Variants in USH2A observed in about 807,000 individuals in gnomAD.
USH2A encodes the protein usherin.
USH2A carries 443 observed loss-of-function variants against 538.9 expected under a neutral mutation model. The ratio of observed to expected loss-of-function variants is 0.82; its 90% CI spans 0.76 to 0.89. The LOEUF is 0.89. USH2A is among the 40% of genes least tolerant of loss of function. USH2A has a pLI of 0.00. For synonymous variants in USH2A, 2,413 were observed against 2,273.5 expected, an observed-to-expected ratio of 1.06 and a Z score of -1.75; for missense variants, 6,633 against 6,324.8, an observed-to-expected ratio of 1.05 and a Z score of -1.65.
chr1:216,074,866 T>C (rs1170956650), intron 27 of USH2A, among the ~76,000 whole-genome samples: 3 of 152,184 alleles, frequency 2.0e-5, no homozygotes, highest in East Asian at 3.8e-4. Context: ...AAATGCTACA[T>C]TATTTTTTGA....
chr1:215,948,666 T>C lies in USH2A; in HGVS notation c.7121-13871A>G, dbSNP rs79512277. ...ATTTAGAAACACCCACCCTCTTGAT[T>C]TTTATTATACATATAAACTCTGTCA... On this transcript the variant is annotated intron_variant, in intron 37 of 71. Coordinates refer to ENST00000307340, the MANE Select transcript of USH2A (RefSeq NM_206933.4). Among the ~76,000 whole-genome samples the C allele has an allele frequency of 2.6e-5, 4 of 152,124 alleles. No homozygotes were observed. In the East Asian group the frequency reaches 5.8e-4, roughly 22 times the overall value.
At chr1:216,313,578 T>C (rs80265331) in intron 9 of USH2A, among the ~76,000 whole-genome samples, 8,062 of 152,302 alleles carry the variant, frequency 0.053, 292 homozygotes, top group Middle Eastern at 0.11. Flanking sequence ...TAAATTTTCC[T>C]CTATATTTAT....
At chr1:215,973,822 A>G (rs1400206125) in intron 35 of USH2A, among the ~76,000 whole-genome samples, 1 of 152,074 alleles carries the variant, frequency 6.6e-6, no homozygotes, top group Admixed American at 6.6e-5. Context: ...ATAAGCTGAG[A>G]ATGAAATTAA....
Position 216,200,046 on chromosome 1 carries a change from T to C in USH2A, c.3392A>G (p.His1131Arg). Residue 1131 changes from histidine (H) to arginine (R), a missense_variant, in exon 17 of 72, where the codon CAT (histidine) becomes CGT (arginine). Coordinates refer to ENST00000307340, the MANE Select transcript of USH2A (RefSeq NM_206933.4). ...GACAGCTACACTCCTTGTTGAACCA[T>C]GCACATTGGTGGTCTCAATGTAATA... ...YSYYIETTNV[H>R]GSTRSVAVTY... 1 of 1,613,810 alleles carries C rather than the reference T, an allele frequency of 6.2e-7. No individual in the cohort carries two copies. The highest frequency in any genetic ancestry group is 8.5e-7 in the Non-Finnish European group (1 of 1,179,940).
intron 15 of USH2A, among the ~76,000 whole-genome samples, chr1:216,213,511 T>G (rs2035285485): frequency 6.6e-6 from 1 of 152,056 alleles, no homozygotes; most frequent in African/African-American, 2.4e-5. Context: ...AATGGAACAT[T>G]TGGATACCTA....
intron 55 of USH2A, among the ~76,000 whole-genome samples, chr1:215,774,896 C>CTT (rs965961240): frequency 6.9e-6 from 1 of 145,114 alleles, no homozygotes; most frequent in Non-Finnish European, 1.5e-5. Context: ...TGATGCCACA[C>CTT]TTTTTTTTTT....
chr1:215,959,633 A>G (rs752083619), intron 37 of USH2A, among the ~76,000 whole-genome samples: 1 of 152,110 alleles, frequency 6.6e-6, no homozygotes, highest in Non-Finnish European at 1.5e-5. Flanking sequence ...CTAATGCTTA[A>G]GGATCATTTT....
At chr1:216,220,653 C>A (rs61826940) in intron 14 of USH2A, among the ~76,000 whole-genome samples, 2 of 151,566 alleles carry the variant, frequency 1.3e-5, no homozygotes, top group African/African-American at 4.8e-5. Context: ...CTCAGTACTC[C>A]TGGATGTAAA....
intron 58 of USH2A, among the ~76,000 whole-genome samples, chr1:215,755,791 G>T (rs1394304819): frequency 6.6e-6 from 1 of 152,184 alleles, no homozygotes; most frequent in Non-Finnish European, 1.5e-5. Context: ...TGAGGTATGT[G>T]AGAGTTAAGG....
intron 38 of USH2A, among the ~76,000 whole-genome samples, chr1:215,917,829 G>A (rs1166513524): frequency 6.6e-6 from 1 of 150,504 alleles, no homozygotes; most frequent in East Asian, 2.0e-4. Context: ...TGGATGTGGT[G>A]GTGCATGCCT....
chr1:215,935,317 T>C (rs527314130), intron 37 of USH2A, among the ~76,000 whole-genome samples: 10 of 152,128 alleles, frequency 6.6e-5, no homozygotes, highest in Non-Finnish European at 1.3e-4. Flanking sequence ...CTGTTCACTT[T>C]GCTTGAAATG....
intron 4 of USH2A, among the ~76,000 whole-genome samples, chr1:216,349,560 G>T (rs946293180): frequency 2.0e-5 from 3 of 152,116 alleles, no homozygotes; most frequent in Non-Finnish European, 4.4e-5. Flanking sequence ...CAATAAGAGT[G>T]ACCTCTGGTT....
At chr1:215,708,788 G>C (rs1002992994) in intron 61 of USH2A, among the ~76,000 whole-genome samples, 1 of 152,124 alleles carries the variant, frequency 6.6e-6, no homozygotes, top group Non-Finnish European at 1.5e-5. Flanking sequence ...CTGCTGTGTG[G>C]CTTGGTTCCC....
rs560490497 is a variant in USH2A, at chr1:216,155,295, A to C, written c.4627+19957T>G. On this transcript the variant is annotated intron_variant, in intron 21 of 71. Coordinates refer to ENST00000307340, the MANE Select transcript of USH2A (RefSeq NM_206933.4). ...AGAATAGGATTACGGGAGGGGCCTG[A>C]ATGCTGCTAAAATGTAGGTGTAATT... Among the ~76,000 whole-genome samples the C allele has an allele frequency of 4.4e-4, 67 of 152,282 alleles. 1 individual carries two copies. The highest frequency in any genetic ancestry group is 8.8e-4 in the Non-Finnish European group (60 of 68,022).
At chr1:216,315,400 C>T (rs112915070) in intron 9 of USH2A, among the ~76,000 whole-genome samples, 1,770 of 152,224 alleles carry the variant, frequency 0.012, 31 homozygotes, top group African/African-American at 0.041. Flanking sequence ...ACAGGCAAAA[C>T]TAATCTGTAT....
intron 61 of USH2A, among the ~76,000 whole-genome samples, chr1:215,708,021 G>A (rs1341365601): frequency 1.3e-5 from 2 of 152,076 alleles, no homozygotes; most frequent in Admixed American, 6.5e-5. Context: ...ATCTTAGAAG[G>A]GAATTTATAA....
chr1:216,154,406 ATAATAT>A (rs911526576), intron 21 of USH2A, among the ~76,000 whole-genome samples: 2 of 150,882 alleles, frequency 1.3e-5, no homozygotes, highest in African/African-American at 4.9e-5. Context: ...AAATGGTAAA[ATAATAT>A]TAAAATTGTT....
rs113330604 is a variant in USH2A, at chr1:215,877,712, C to T, written c.8681+46G>A. On this transcript the variant is annotated intron_variant, in intron 43 of 71. Coordinates refer to ENST00000307340, the MANE Select transcript of USH2A (RefSeq NM_206933.4). ...GATACTTTGAACTATTCAACATGCC[C>T]AGAACTAAATGCCAGCATTTGTTTT... is the stretch of plus-strand genomic sequence containing the variant. The T allele has an allele frequency of 8.4e-5, 136 of 1,611,714 alleles. 2 individuals are homozygous for T. In the African/African-American group the frequency reaches 1.4e-3, roughly 16 times the overall value.
chr1:215,947,441 G>A (rs1666787017), intron 37 of USH2A, among the ~76,000 whole-genome samples: 1 of 152,098 alleles, frequency 6.6e-6, no homozygotes, highest in Non-Finnish European at 1.5e-5. Context: ...ATTTCTATTA[G>A]GCAGTGCTGT....
Sources: allele counts gnomAD v4.1 joint callset (sites outside exome capture counted in the v4.1 genomes callset), GRCh38; gene constraint gnomAD v4.1.1; transcripts MANE v1.5; gene names NCBI Gene and HGNC (gene_info 2026-07-23, HGNC 2026-07-21).